Variants in CCNB2 observed in about 807,000 individuals in gnomAD.
CCNB2 encodes cyclin B2.
A neutral mutation model predicts 51.1 loss-of-function variants in CCNB2; 39 were observed. The ratio of observed to expected loss-of-function variants is 0.76; its 90% CI spans 0.59 to 1.00. The LOEUF (loss-of-function observed/expected upper bound fraction) is 1.00. Among genes scored for constraint, CCNB2 ranks in the 50% least tolerant of loss-of-function variants. The pLI is 0.00. For missense variants in CCNB2, 472 were observed against 470.3 expected, an observed-to-expected ratio of 1.00 and a Z score of -0.03; for synonymous variants, 174 against 165.5, an observed-to-expected ratio of 1.05 and a Z score of -0.40.
chr15:59,105,339 A>G, intron 1 of CCNB2, 47 bp downstream of exon 1: 1 of 1,536,484 alleles, frequency 6.5e-7, no homozygotes, highest in Non-Finnish European at 8.7e-7. Context: ...CGTCGGCCCC[A>G]CAGCTCCCCT....
intron 8 of CCNB2, 79 bp from the exon 9 acceptor site, chr15:59,124,688 T>C: frequency 1.0e-6 from 1 of 974,000 alleles, no homozygotes; most frequent in Non-Finnish European, 1.6e-6. Flanking sequence ...CGTGGACCTT[T>C]GATAATTGTG....
At chr15:59,110,426 G>A (rs1462020504) in intron 3 of CCNB2, among the ~76,000 whole-genome samples, 2 of 152,218 alleles carry the variant, frequency 1.3e-5, no homozygotes, top group Non-Finnish European at 2.9e-5. Flanking sequence ...CTAAGTCCAC[G>A]ATTTAGGTAG....
At position 59,116,852 on chromosome 15, in the gene CCNB2, TTGAAAGAA is replaced by T; in HGVS notation, c.762_769del (p.Leu254PhefsTer4). 6.2e-7 allele frequency: 1 copy of T among 1,614,178 alleles called. No individual in the cohort carries two copies. The highest frequency in any genetic ancestry group is 8.5e-7 in the Non-Finnish European group (1 of 1,180,036). On this transcript the variant is annotated frameshift_variant, in exon 6 of 9. Transcript: ENST00000288207. LOFTEE classifies it high-confidence loss of function. The stretch of plus-strand genomic sequence containing the variant: ...AATCCGAGAAATGGAAACTCTAATT[TTGAAAGAA>T]TTGAAATTTGAGTTGGGTCGACCCT...
At chr15:59,112,721 G>C (rs117059109) in intron 3 of CCNB2, among the ~76,000 whole-genome samples, 14,955 of 151,978 alleles carry the variant, frequency 0.098, 986 homozygotes, top group East Asian at 0.25. Flanking sequence ...GTTTTACTTG[G>C]AGAAGTACTT....
rs550919161 is a variant in CCNB2 at position 59,114,486 on chromosome 15, A to C, written c.310A>C (p.Asn104His). ...TPEDVSMKEE[N>H]LCQAFSDALL... ...TGAGGATGTCTCCATGAAGGAAGAG[A>C]ATCTCTGCCAAGCTTTTTCTGATGC... Residue 104 changes from asparagine (N) to histidine (H), a missense_variant, in exon 4 of 9, where the codon AAT becomes CAT. By Grantham distance (68) the Asn-to-His change is moderately conservative (BLOSUM62 1). Transcript: ENST00000288207. 1 of 1,612,746 alleles carries C rather than the reference A, an allele frequency of 6.2e-7. No individual in the cohort carries two copies. Among genetic ancestry groups the C allele is most frequent in the East Asian group, 2.2e-5 (1 of 44,878 alleles).
intron 1 of CCNB2, among the ~76,000 whole-genome samples, chr15:59,107,102 CT>C (rs1202664602): frequency 6.6e-6 from 1 of 152,098 alleles, no homozygotes; most frequent in Admixed American, 6.5e-5. Flanking sequence ...GTGGGAGGAT[CT>C]TTATTACGGA....
intron 3 of CCNB2, among the ~76,000 whole-genome samples, chr15:59,108,395 G>T (rs2079244671): frequency 6.6e-6 from 1 of 152,186 alleles, no homozygotes; most frequent in African/African-American, 2.4e-5. Context: ...ATGTAGGGAG[G>T]TAAGTTAGGA....
chr15:59,106,368 A>T (rs2079235697), intron 1 of CCNB2, among the ~76,000 whole-genome samples: 1 of 152,208 alleles, frequency 6.6e-6, no homozygotes, highest in African/African-American at 2.4e-5. Flanking sequence ...GTTATTTAAT[A>T]GTCAAAACCT....
At chr15:59,111,768 G>C (rs1372993477) in intron 3 of CCNB2, among the ~76,000 whole-genome samples, 4 of 151,744 alleles carry the variant, frequency 2.6e-5, no homozygotes, top group Non-Finnish European at 5.9e-5. Flanking sequence ...TACCGTCTCT[G>C]GTACCCTGGG....
At chr15:59,121,184 A>C (rs1382504629) in intron 7 of CCNB2, 1 of 152,252 alleles carries the variant, frequency 6.6e-6, no homozygotes, top group Non-Finnish European at 1.5e-5. Flanking sequence ...ATGGCATAGC[A>C]AAAATTGTGT....
At chr15:59,109,085 C>T (rs534200620) in intron 3 of CCNB2, among the ~76,000 whole-genome samples, 1 of 152,316 alleles carries the variant, frequency 6.6e-6, no homozygotes, top group Non-Finnish European at 1.5e-5. Flanking sequence ...GAGTCTTGCT[C>T]TGTCGCCCAG....
At chr15:59,112,040 C>G (rs955778947) in intron 3 of CCNB2, among the ~76,000 whole-genome samples, 3 of 151,624 alleles carry the variant, frequency 2.0e-5, no homozygotes. Flanking sequence ...TTTGTAGAGG[C>G]GAGGTTTTGC....
rs1208773224 is a variant in CCNB2 at position 59,123,591 on chromosome 15, T to G, written c.1050T>G (p.Asn350Lys). 6.2e-7 allele frequency: 1 copy of G among 1,611,748 alleles called. No individual in the cohort carries two copies. The highest frequency in any genetic ancestry group is 2.2e-5 in the East Asian group (1 of 44,826). The stretch of plus-strand genomic sequence containing the variant: ...AAGTCATGCAGCACATGGCCAAGAA[T>G]GTGGTGAAAGTAAATGAAAACTTAA... ...VLEVMQHMAKNVVKVNENLTK... is the reference protein window; with the variant it reads ...VLEVMQHMAKKVVKVNENLTK... The change falls in exon 8 of 9, where the codon AAT (asparagine) becomes AAG (lysine). Residue 350 changes from asparagine (N) to lysine (K), a missense_variant. Asn to Lys is a moderately conservative substitution (Grantham distance 94, BLOSUM62 0). Coordinates refer to ENST00000288207, the MANE Select transcript of CCNB2 (RefSeq NM_004701.4).
chr15:59,112,810 G>A (rs1189394124), intron 3 of CCNB2, among the ~76,000 whole-genome samples: 2 of 151,416 alleles, frequency 1.3e-5, no homozygotes, highest in African/African-American at 4.8e-5. Context: ...CGAGGTGGGC[G>A]GATCACAAGG....
intron 3 of CCNB2, among the ~76,000 whole-genome samples, chr15:59,111,125 C>G (rs1173144288): frequency 6.6e-6 from 1 of 152,168 alleles, no homozygotes; most frequent in Non-Finnish European, 1.5e-5. Flanking sequence ...TGTTGGAGTT[C>G]AAAATGAATG....
rs769545904 is a variant in CCNB2 at position 59,116,920 on chromosome 15, C to T, written c.828C>T (p.Ala276=). 13 of 1,612,586 alleles carry T rather than the reference C, an allele frequency of 8.1e-6. No individual in the cohort carries two copies. Among genetic ancestry groups the T allele is most frequent in the African/African-American group, 2.7e-5 (2 of 74,848 alleles). The part of the protein sequence containing the change: ...PLHFLRRASK[A]GEVDVEQHTL... ...ACTTCTTAAGGCGAGCATCAAAAGCCGGGGAGGTAAGTGCCTCCAGCTCTG... is the reference window on the plus strand; with the variant it reads ...ACTTCTTAAGGCGAGCATCAAAAGCTGGGGAGGTAAGTGCCTCCAGCTCTG... Residue 276 remains alanine (A), a synonymous_variant, in exon 6 of 9, where the codon GCC becomes GCT. Coordinates refer to ENST00000288207, the MANE Select transcript of CCNB2 (RefSeq NM_004701.4).
intron 7 of CCNB2, chr15:59,121,312 T>C (rs957810837): frequency 6.6e-6 from 1 of 152,210 alleles, no homozygotes; most frequent in African/African-American, 2.4e-5. Flanking sequence ...TTGGAATTTT[T>C]TGAAATAAAT....
intron 1 of CCNB2, among the ~76,000 whole-genome samples, 186 bp from the exon 2 acceptor site, chr15:59,107,136 T>C (rs1237843426): frequency 1.3e-5 from 2 of 152,208 alleles, no homozygotes; most frequent in African/African-American, 4.8e-5. Context: ...GTGATTTGCC[T>C]AATTTAGAGT....
chr15:59,121,931 CAAAAAAAAAAAAAAAAAA>C (rs3052992), intron 7 of CCNB2, among the ~76,000 whole-genome samples: 2 of 14,094 alleles, frequency 1.4e-4, no homozygotes, highest in South Asian at 2.9e-3. Flanking sequence ...GACTCTGTCT[CAAAAAAAAAAAAAAAAAA>C]AAAAAAAAAA....
Sources: gnomAD v4.1 joint callset for allele counts (sites outside exome capture counted in the v4.1 genomes callset) on GRCh38, gnomAD v4.1.1 for gene constraint, MANE v1.5 for transcripts, NCBI Gene and HGNC (gene_info 2026-07-23, HGNC 2026-07-21) for gene names.